Variants in ZRANB3 observed in about 807,000 individuals in gnomAD.
ZRANB3 encodes DNA annealing helicase and endonuclease ZRANB3.
A neutral mutation model predicts 133.8 loss-of-function variants in ZRANB3; 125 were observed. The observed-to-expected ratio is 0.93, with a 90% CI of 0.81 to 1.08. The LOEUF (loss-of-function observed/expected upper bound fraction) is 1.08, where lower values mean the gene tolerates loss of function less well. ZRANB3 is among the 50% of genes least tolerant of loss of function. The probability of loss-of-function intolerance (pLI) is 0.00; values close to 1 mark genes in which losing one functional copy is unlikely to be tolerated. For missense variants in ZRANB3, 1,229 were observed against 1,275.5 expected, an observed-to-expected ratio of 0.96 and a Z score of 0.56; for synonymous variants, 387 against 432.7, an observed-to-expected ratio of 0.89 and a Z score of 1.31.
chr2:135,470,995 G>A (rs550675686), intron 2 of ZRANB3, among the ~76,000 whole-genome samples: 1 of 151,172 alleles, frequency 6.6e-6, no homozygotes, highest in Non-Finnish European at 1.5e-5. Flanking sequence ...TAGAGACGGG[G>A]TTTCACCGTG....
At chr2:135,294,592 T>G (rs767650628) in intron 8 of ZRANB3, among the ~76,000 whole-genome samples, 1 of 152,144 alleles carries the variant, frequency 6.6e-6, no homozygotes, top group Non-Finnish European at 1.5e-5. Context: ...GTGTCTCTAT[T>G]TCCTTCAGTA....
At chr2:135,333,298 A>ATACC (rs1229964678) in intron 6 of ZRANB3, among the ~76,000 whole-genome samples, 3 of 152,200 alleles carry the variant, frequency 2.0e-5, no homozygotes, top group African/African-American at 4.8e-5. Flanking sequence ...AGTACAGTAT[A>ATACC]TTTCCAATGA....
In ZRANB3 at chr2:135,314,752, C is replaced by CTT. The variant is rs11305622; in HGVS notation, c.849+605_849+606dup. Among the ~76,000 whole-genome samples, 30 of 143,692 alleles carry CTT rather than the reference C, an allele frequency of 2.1e-4. No individual in the cohort carries two copies. In the South Asian group the frequency reaches 5.6e-3, roughly 27 times the overall value. 94.3% of individuals were successfully genotyped at this position (143,692 alleles called of 152,430 possible). Reference sequence around the variant, plus strand: ...GGTTTCACACCTTCTATTTAGAATTCTTTTTTTTTTTTTTGAGATGGAGTC... The same window carrying CTT: ...GGTTTCACACCTTCTATTTAGAATTCTTTTTTTTTTTTTTTTGAGATGGAGTC... On this transcript the variant is annotated intron_variant, in intron 7 of 20. Transcript: ENST00000264159.
intron 2 of ZRANB3, among the ~76,000 whole-genome samples, chr2:135,395,670 C>A (rs1354424131): frequency 6.6e-6 from 1 of 151,990 alleles, no homozygotes; most frequent in Non-Finnish European, 1.5e-5. Flanking sequence ...TTTGGCCAGG[C>A]TGGTCTCAAA....
At chr2:135,237,472 C>T (rs890742379) in intron 12 of ZRANB3, among the ~76,000 whole-genome samples, 3 of 151,798 alleles carry the variant, frequency 2.0e-5, no homozygotes, top group Non-Finnish European at 4.4e-5. Flanking sequence ...AAACATGCTG[C>T]TATAAAGACA....
rs372659958 is a variant in ZRANB3 at position 135,363,900 on chromosome 2, GACC to G, written c.181-10275_181-10273del. Among the ~76,000 whole-genome samples, 359 of 152,172 alleles carry G rather than the reference GACC, an allele frequency of 2.4e-3. 3 individuals are homozygous for G. Among genetic ancestry groups the G allele is most frequent in the African/African-American group, 8.4e-3 (349 of 41,532 alleles). ...GAGATCAGCCTGGGCAATATAGAGA[GACC>G]ACATCTCTACAAAAAATACAAAAAT... On this transcript the variant is annotated intron_variant, in intron 3 of 20. Transcript: ENST00000264159.
chr2:135,434,957 TTC>T (rs201111974), intron 2 of ZRANB3, among the ~76,000 whole-genome samples: 2 of 152,312 alleles, frequency 1.3e-5, no homozygotes, highest in East Asian at 1.9e-4. Flanking sequence ...TAATTTTCTT[TTC>T]TCTCTTTTTT....
chr2:135,408,619 T>A (rs1024343178), intron 2 of ZRANB3, among the ~76,000 whole-genome samples: 1 of 152,156 alleles, frequency 6.6e-6, no homozygotes, highest in Non-Finnish European at 1.5e-5. Flanking sequence ...ATGCGGCACA[T>A]ATACACCATG....
At chr2:135,324,716 T>C (rs1683724211) in intron 6 of ZRANB3, among the ~76,000 whole-genome samples, 2 of 152,204 alleles carry the variant, frequency 1.3e-5, no homozygotes, top group South Asian at 4.1e-4. Flanking sequence ...AAAGTGTTCC[T>C]ATTTCTCCAC....
intron 12 of ZRANB3, among the ~76,000 whole-genome samples, chr2:135,242,449 A>ACTTT (rs559565955): frequency 6.6e-5 from 10 of 151,230 alleles, no homozygotes; most frequent in Non-Finnish European, 1.2e-4. Context: ...CTCAGTAGGT[A>ACTTT]CTTTCTTTCT....
At chr2:135,374,471 C>T (rs116019622) in intron 3 of ZRANB3, among the ~76,000 whole-genome samples, 5,426 of 151,884 alleles carry the variant, frequency 0.036, 311 homozygotes, top group African/African-American at 0.12. Context: ...AAAGACAAGC[C>T]ACAGACTGGA....
chr2:135,291,458 T>C (rs1391980813), intron 8 of ZRANB3, among the ~76,000 whole-genome samples: 2 of 152,136 alleles, frequency 1.3e-5, no homozygotes, highest in African/African-American at 4.8e-5. Context: ...GCTGGGATTA[T>C]AGGCATGAGT....
intron 3 of ZRANB3, among the ~76,000 whole-genome samples, chr2:135,380,924 G>A (rs1297505403): frequency 1.3e-5 from 2 of 152,172 alleles, no homozygotes; most frequent in African/African-American, 4.8e-5. Flanking sequence ...CCTAGCATGA[G>A]CGACGCAGAA....
intron 3 of ZRANB3, among the ~76,000 whole-genome samples, chr2:135,354,640 AAAACGCATTT>A (rs1685351106): frequency 6.6e-6 from 1 of 152,246 alleles, no homozygotes; most frequent in South Asian, 2.1e-4. Context: ...GAATACATCT[AAAACGCATTT>A]CGGTAAGTGA....
In ZRANB3 at chr2:135,322,846, A is replaced by G. The variant is rs112665585; in HGVS notation, c.678-7316T>C. Among the ~76,000 whole-genome samples the G allele has an allele frequency of 2.9e-3, 448 of 151,962 alleles. 3 individuals are homozygous for G. Among genetic ancestry groups the G allele is most frequent in the African/African-American group, 0.01 (417 of 41,446 alleles). ...AGCCTGGATAACATGGCAAAACCCC[A>G]TCTCTACTAAAAATACAAAAATTAG... On this transcript the variant is annotated intron_variant, in intron 6 of 20. Transcript: ENST00000264159.
chr2:135,479,690 T>C (rs1196575054), intron 2 of ZRANB3, among the ~76,000 whole-genome samples: 1 of 151,892 alleles, frequency 6.6e-6, no homozygotes, highest in Admixed American at 6.6e-5. Flanking sequence ...GGACACCTAT[T>C]GATACACGCA....
intron 2 of ZRANB3, among the ~76,000 whole-genome samples, chr2:135,442,544 C>G (rs1278944366): frequency 4.6e-5 from 7 of 152,142 alleles, no homozygotes; most frequent in African/African-American, 1.7e-4. Context: ...AGTCAGGAAA[C>G]AACACATGCT....
chr2:135,491,955 CTG>C (rs1321629053), intron 2 of ZRANB3, among the ~76,000 whole-genome samples: 3 of 152,092 alleles, frequency 2.0e-5, no homozygotes, highest in African/African-American at 7.2e-5. Context: ...CTGCATATAA[CTG>C]GGAATAAGAA....
intron 2 of ZRANB3, among the ~76,000 whole-genome samples, chr2:135,500,788 A>G (rs1692905217): frequency 6.6e-6 from 1 of 151,948 alleles, no homozygotes; most frequent in African/African-American, 2.4e-5. Context: ...GTACTTTAAA[A>G]AACTGAACAG....
Sources: gnomAD v4.1 joint callset for allele counts (sites outside exome capture counted in the v4.1 genomes callset) on GRCh38, gnomAD v4.1.1 for gene constraint, MANE v1.5 for transcripts, NCBI Gene and HGNC (gene_info 2026-07-23, HGNC 2026-07-21) for gene names.